Variants in OTOG observed in about 807,000 individuals in gnomAD.
OTOG encodes the protein otogelin.
OTOG carries 296 observed loss-of-function variants against 313.8 expected under a neutral mutation model. That is an observed-to-expected ratio of 0.94 (90% confidence interval 0.86 to 1.04). OTOG has a LOEUF of 1.04. Among genes scored for constraint, OTOG ranks in the 50% least tolerant of loss-of-function variants. The pLI is 0.00. For missense variants in OTOG, 3,948 were observed against 3,840.1 expected, an observed-to-expected ratio of 1.03 and a Z score of -0.74; for synonymous variants, 1,533 against 1,554.9, an observed-to-expected ratio of 0.99 and a Z score of 0.33.
chr11:17,580,132 TC>T (rs1852632973), intron 23 of OTOG, among the ~76,000 whole-genome samples: 2 of 152,178 alleles, frequency 1.3e-5, no homozygotes, highest in South Asian at 4.1e-4. Flanking sequence ...ACCATGCCCT[TC>T]TCAATGATGT....
In OTOG at chr11:17,629,053, T is replaced by G. The variant is rs935174867; in HGVS notation, c.6529-80T>G. ...ATGGGTGGATGGATGGATGGATGAA[T>G]GGATGGACGGACAGATGGATGGATG... On this transcript the variant is annotated intron_variant, in intron 39 of 55. Coordinates refer to ENST00000399397, the MANE Select transcript of OTOG (RefSeq NM_001292063.2). The G allele has an allele frequency of 2.2e-6, 3 of 1,340,400 alleles. No individual in the cohort carries two copies. In the Admixed American group the frequency reaches 6.3e-5, roughly 28 times the overall value. 83.0% of individuals were successfully genotyped at this position (1,340,400 alleles called of 1,614,324 possible). A position where few individuals can be genotyped will look rare whatever the true frequency, so the allele number is the denominator to read the frequency against.
chr11:17,553,656 A>T, intron 6 of OTOG, 137 bp downstream of exon 6: 2 of 808,538 alleles, frequency 2.5e-6, no homozygotes, highest in Non-Finnish European at 3.4e-6. Context: ...CCACCCAGGC[A>T]GTCTGCACCT....
chr11:17,630,592 T>G (rs1276437209), intron 40 of OTOG, among the ~76,000 whole-genome samples: 3 of 152,182 alleles, frequency 2.0e-5, no homozygotes, highest in South Asian at 2.1e-4. Context: ...TAGACAAACT[T>G]AGGGGAGTGC....
At chr11:17,609,372 G>A (rs1853467608) in intron 35 of OTOG, among the ~76,000 whole-genome samples, 163 bp downstream of exon 35, 1 of 152,142 alleles carries the variant, frequency 6.6e-6, no homozygotes, top group Admixed American at 6.5e-5. Flanking sequence ...GCCTCATCCG[G>A]TCTATTCGCC....
Position 17,612,755 on chromosome 11 carries a change from G to C in OTOG, c.6428G>C (p.Ser2143Thr), listed in dbSNP as rs1309130983. ...ACCGTCCATGTACTGGACTGCAAAA[G>C]TGCCAACCTGGTGCCTGCCCCATAC... ...MLTVHVLDCK[S>T]ANLGHLNWPP... Residue 2143 changes from serine (S) to threonine (T), a missense_variant, in exon 38 of 56, where the codon AGT (serine) becomes ACT (threonine). Coordinates refer to ENST00000399397, the MANE Select transcript of OTOG (RefSeq NM_001292063.2). 4 of 1,550,414 alleles carry C rather than the reference G, an allele frequency of 2.6e-6. No individual in the cohort carries two copies. The highest frequency in any genetic ancestry group is 3.5e-6 in the Non-Finnish European group (4 of 1,146,896).
intron 9 of OTOG, 76 bp downstream of exon 9, chr11:17,558,391 G>A: frequency 6.5e-7 from 1 of 1,533,404 alleles, no homozygotes; most frequent in Non-Finnish European, 8.8e-7. Context: ...CACTGGCTGT[G>A]GCACCCCAGA....
At chr11:17,587,343 T>C (rs1852819679) in intron 24 of OTOG, among the ~76,000 whole-genome samples, 1 of 152,128 alleles carries the variant, frequency 6.6e-6, no homozygotes, top group African/African-American at 2.4e-5. Context: ...AGCTTTCTGA[T>C]AGAGAGAATG....
At chr11:17,620,412 A>G (rs759341148) in intron 39 of OTOG, among the ~76,000 whole-genome samples, 5 of 152,224 alleles carry the variant, frequency 3.3e-5, no homozygotes, top group Non-Finnish European at 5.9e-5. Flanking sequence ...TGAAGCATGT[A>G]TCAATGCTTC....
At chr11:17,612,120 G>A in intron 36 of OTOG, 42 bp from the exon 37 acceptor site, 1 of 1,546,302 alleles carries the variant, frequency 6.5e-7, no homozygotes, top group Non-Finnish European at 8.7e-7. Context: ...GTGGGCTGTA[G>A]CTCCTTGATG....
chr11:17,621,309 G>A (rs551664482), intron 39 of OTOG, among the ~76,000 whole-genome samples: 2 of 152,192 alleles, frequency 1.3e-5, no homozygotes, highest in Middle Eastern at 3.2e-3. Context: ...TAAAGCCAAA[G>A]TAGCCTTTAT....
intron 32 of OTOG, among the ~76,000 whole-genome samples, chr11:17,603,450 CT>C (rs1166363948): frequency 1.3e-5 from 2 of 152,146 alleles, no homozygotes; most frequent in Admixed American, 1.3e-4. Context: ...GGGGTGTTGC[CT>C]TTCCACTAGG....
intron 29 of OTOG, 88 bp from the exon 30 acceptor site, chr11:17,596,763 A>C: frequency 8.1e-7 from 1 of 1,232,754 alleles, no homozygotes; most frequent in South Asian, 1.4e-5. Flanking sequence ...TGGTCCCTTC[A>C]TGTTGGTGCT....
At chr11:17,583,224 T>G (rs868594643) in intron 23 of OTOG, among the ~76,000 whole-genome samples, 2 of 152,238 alleles carry the variant, frequency 1.3e-5, no homozygotes, top group South Asian at 4.2e-4. Flanking sequence ...AGCCTTGAAC[T>G]CCTTAGCTCA....
At chr11:17,617,848 T>C (rs541888976) in intron 39 of OTOG, among the ~76,000 whole-genome samples, 1 of 152,238 alleles carries the variant, frequency 6.6e-6, no homozygotes, top group African/African-American at 2.4e-5. Flanking sequence ...AGGTTTAATT[T>C]ACTCTTCTTT....
At position 17,610,981 on chromosome 11, in the gene OTOG, C is replaced by A. The variant is rs759042084; in HGVS notation, c.5681C>A (p.Thr1894Lys). Residue 1894 changes from threonine to lysine, a missense_variant, in exon 36 of 56, where the codon ACG becomes AAG. Transcript: ENST00000399397. Reference protein sequence around the residue: ...TSGVLPVAEGTASMVSVVPRK... With the variant: ...TSGVLPVAEGKASMVSVVPRK... The stretch of plus-strand genomic sequence containing the variant: ...GGAGTCCTGCCTGTGGCTGAGGGCA[C>A]GGCCTCCATGGTATCTGTTGTCCCA... 1 of 1,550,430 alleles carries A rather than the reference C, an allele frequency of 6.4e-7. No homozygotes were observed. The highest frequency in any genetic ancestry group is 8.7e-7 in the Non-Finnish European group (1 of 1,147,024).
At chr11:17,596,746 T>C in intron 29 of OTOG, 105 bp from the exon 30 acceptor site, 1 of 995,052 alleles carries the variant, frequency 1.0e-6, no homozygotes, top group South Asian at 1.6e-5. Context: ...TAGCTCACCC[T>C]ATCCCGTGGT....
chr11:17,645,538 G>A (rs540583687), intron 54 of OTOG, 26 bp from the exon 55 acceptor site: 3 of 1,548,208 alleles, frequency 1.9e-6, no homozygotes. Context: ...CTTGGCCACA[G>A]CTGCCTCATC....
At chr11:17,562,010 G>A (rs753220434) in intron 15 of OTOG, among the ~76,000 whole-genome samples, 1 of 144,556 alleles carries the variant, frequency 6.9e-6, no homozygotes, top group East Asian at 2.1e-4. Flanking sequence ...GACCTCAGTG[G>A]GTTTTTGGTT....
intron 15 of OTOG, among the ~76,000 whole-genome samples, chr11:17,568,080 T>C (rs1220467305): frequency 6.7e-6 from 1 of 149,478 alleles, no homozygotes; most frequent in Non-Finnish European, 1.5e-5. Context: ...GCTAATTTTT[T>C]GTATTTTCAG....
Sources: gnomAD v4.1 joint callset for allele counts (sites outside exome capture counted in the v4.1 genomes callset) on GRCh38, gnomAD v4.1.1 for gene constraint, MANE v1.5 for transcripts, NCBI Gene and HGNC (gene_info 2026-07-23, HGNC 2026-07-21) for gene names.